Variants in FAM193A observed in about 807,000 individuals in gnomAD.
The protein encoded by FAM193A is protein FAM193A.
A neutral mutation model predicts 126.5 loss-of-function variants in FAM193A; 22 were observed. That is an observed-to-expected ratio of 0.17 (90% CI 0.12 to 0.25). The LOEUF (loss-of-function observed/expected upper bound fraction) is 0.25. FAM193A is among the 10% of genes least tolerant of loss of function. The pLI is 1.00. For missense variants in FAM193A, 1,675 were observed against 1,672.8 expected, an observed-to-expected ratio of 1.00 and a Z score of -0.02; for synonymous variants, 761 against 646.8, an observed-to-expected ratio of 1.18 and a Z score of -2.68.
intron 1 of FAM193A, among the ~76,000 whole-genome samples, chr4:2,589,541 T>G (rs1440587954): frequency 6.6e-6 from 1 of 152,228 alleles, no homozygotes; most frequent in Admixed American, 6.5e-5. Flanking sequence ...GCCTTGAAAT[T>G]ATAAATTGCT....
At position 2,706,171 on chromosome 4, in the gene FAM193A, G is replaced by A. The variant is rs115990220; in HGVS notation, c.4372+5627G>A. ...TACAATGAGCTATAATTGTGCCATT[G>A]CACTCTAGACTGGTCTATAATGAGA... On this transcript the variant is annotated intron_variant, in intron 19 of 20. Coordinates refer to ENST00000637812, the MANE Select transcript of FAM193A (RefSeq NM_001366318.2). Among the ~76,000 whole-genome samples, 353 of 152,156 alleles carry A rather than the reference G, an allele frequency of 2.3e-3. 2 individuals carry two copies. Among genetic ancestry groups the A allele is most frequent in the African/African-American group, 8.2e-3 (340 of 41,512 alleles).
At chr4:2,694,685 A>G (rs1272003409) in intron 16 of FAM193A, among the ~76,000 whole-genome samples, 1 of 152,200 alleles carries the variant, frequency 6.6e-6, no homozygotes, top group Non-Finnish European at 1.5e-5. Context: ...AGAAGGAGTC[A>G]TTGGAGAGAC....
intron 14 of FAM193A, 126 bp from the exon 15 acceptor site, chr4:2,690,571 CA>C: frequency 4.9e-6 from 4 of 813,428 alleles, no homozygotes; most frequent in African/African-American, 3.5e-5. Context: ...GACTTAGTGT[CA>C]TCCCAGTGGG....
intron 1 of FAM193A, among the ~76,000 whole-genome samples, chr4:2,572,402 C>T (rs1016614559): frequency 1.6e-4 from 25 of 151,766 alleles, no homozygotes; most frequent in African/African-American, 6.1e-4. Flanking sequence ...AGGTTGTGTA[C>T]GGTGCCTAAA....
At chr4:2,645,156 G>A (rs1304921915) in intron 6 of FAM193A, among the ~76,000 whole-genome samples, 1 of 152,108 alleles carries the variant, frequency 6.6e-6, no homozygotes, top group African/African-American at 2.4e-5. Context: ...GTAGCTTCTA[G>A]TGTTTTTATG....
At chr4:2,564,363 G>A (rs1259757961) in intron 1 of FAM193A, among the ~76,000 whole-genome samples, 2 of 152,042 alleles carry the variant, frequency 1.3e-5, no homozygotes, top group Non-Finnish European at 2.9e-5. Flanking sequence ...GATTACAGGT[G>A]TGAGCCACCA....
chr4:2,660,709 T>C (rs1468160647), intron 10 of FAM193A, among the ~76,000 whole-genome samples: 1 of 152,238 alleles, frequency 6.6e-6, no homozygotes, highest in Non-Finnish European at 1.5e-5. Flanking sequence ...GTGGGAGAGA[T>C]TGTTGTTCCT....
intron 1 of FAM193A, among the ~76,000 whole-genome samples, chr4:2,539,864 C>T (rs961674446): frequency 2.6e-5 from 4 of 151,988 alleles, no homozygotes; most frequent in African/African-American, 7.2e-5. Flanking sequence ...TTCGGGAGGC[C>T]GAGGTGGGTG....
chr4:2,540,558 G>C (rs1394572231), intron 1 of FAM193A, among the ~76,000 whole-genome samples: 1 of 152,154 alleles, frequency 6.6e-6, no homozygotes, highest in Non-Finnish European at 1.5e-5. Flanking sequence ...TGAGGCAGGA[G>C]AATGGCATGA....
At position 2,630,846 on chromosome 4, in the gene FAM193A, G is replaced by C. The variant is rs1315319906; in HGVS notation, c.804-89G>C. ...TGTGGTCATCTAGAGGTGGCCACCTGTGGAAGGGCTTCAGAAAAGATGCTC... is the reference window on the plus strand; with the variant it reads ...TGTGGTCATCTAGAGGTGGCCACCTCTGGAAGGGCTTCAGAAAAGATGCTC... On this transcript the variant is annotated intron_variant, in intron 4 of 20. Transcript: ENST00000637812. 3 of 722,562 alleles carry C rather than the reference G, an allele frequency of 4.2e-6. No homozygotes were observed. In the East Asian group the frequency reaches 7.9e-5, roughly 19 times the overall value. The allele number at this position is 722,562 out of a possible 1,614,324, so 44.8% of individuals were successfully genotyped here.
chr4:2,595,405 A>G (rs910769948), intron 1 of FAM193A, among the ~76,000 whole-genome samples: 1 of 152,132 alleles, frequency 6.6e-6, no homozygotes, highest in Non-Finnish European at 1.5e-5. Context: ...TTTTTCTGAT[A>G]GAGTGGGTGG....
At chr4:2,625,649 T>A in intron 3 of FAM193A, 1 of 320,440 alleles carries the variant, frequency 3.1e-6, no homozygotes. Flanking sequence ...CCTCAGTGAA[T>A]GAGAGGAGCG....
intron 19 of FAM193A, chr4:2,715,643 C>A: frequency 2.3e-6 from 1 of 431,010 alleles, no homozygotes; most frequent in Non-Finnish European, 3.4e-6. Flanking sequence ...TGCCTGACTC[C>A]AACGGAGACT....
chr4:2,668,695 T>C (rs1265395573), intron 12 of FAM193A, among the ~76,000 whole-genome samples: 3 of 152,228 alleles, frequency 2.0e-5, no homozygotes. Flanking sequence ...TACTGCTTTA[T>C]ACAGCTTTAT....
At chr4:2,564,607 G>A (rs1183551520) in intron 1 of FAM193A, among the ~76,000 whole-genome samples, 2 of 152,118 alleles carry the variant, frequency 1.3e-5, no homozygotes, top group East Asian at 3.8e-4. Flanking sequence ...TCCAATAGGG[G>A]GTGGGGGAGT....
chr4:2,676,085 C>T (rs1256345623), intron 13 of FAM193A, among the ~76,000 whole-genome samples: 1 of 152,168 alleles, frequency 6.6e-6, no homozygotes, highest in African/African-American at 2.4e-5. Context: ...CTGCTGTAAA[C>T]ATGAGTGTAC....
At chr4:2,720,690 C>A (rs957711798) in intron 20 of FAM193A, among the ~76,000 whole-genome samples, 9 of 151,600 alleles carry the variant, frequency 5.9e-5, no homozygotes, top group Admixed American at 2.6e-4. Context: ...ATACCCACAC[C>A]ACAAATAATT....
At chr4:2,635,936 G>T (rs576180037) in intron 5 of FAM193A, among the ~76,000 whole-genome samples, 1 of 152,130 alleles carries the variant, frequency 6.6e-6, no homozygotes, top group Admixed American at 6.5e-5. Flanking sequence ...GTCATAGGTT[G>T]TCTGGTTGAA....
At chr4:2,585,796 C>T (rs374271492) in intron 1 of FAM193A, among the ~76,000 whole-genome samples, 1,584 of 152,134 alleles carry the variant, frequency 0.01, 19 homozygotes, top group Non-Finnish European at 0.014. Context: ...GGTGTGGTGG[C>T]GGGCACCTGT....
Sources: gnomAD v4.1 joint callset for allele counts (sites outside exome capture counted in the v4.1 genomes callset) on GRCh38, gnomAD v4.1.1 for gene constraint, MANE v1.5 for transcripts, NCBI Gene and HGNC (gene_info 2026-07-23, HGNC 2026-07-21) for gene names.